The following COL11A1 variants were observed in gnomAD, a reference collection of about 807,000 sequenced individuals.
The protein encoded by COL11A1 is collagen type XI alpha 1 chain.
COL11A1 carries 74 observed loss-of-function variants against 265.2 expected under a neutral mutation model. That is an observed-to-expected ratio of 0.28 (90% CI 0.23 to 0.34). The LOEUF (loss-of-function observed/expected upper bound fraction) is 0.34, where lower values mean the gene tolerates loss of function less well. Among genes scored for constraint, COL11A1 ranks in the 10% least tolerant of loss-of-function variants. The pLI is 1.00. For synonymous variants in COL11A1, 816 were observed against 727.6 expected (o/e 1.12, Z -1.96); for missense variants, 2,165 against 2,263.6 (o/e 0.96, Z 0.88).
intron 11 of COL11A1, among the ~76,000 whole-genome samples, chr1:103,017,481 G>T (rs1666659018): frequency 6.6e-6 from 1 of 152,058 alleles, no homozygotes; most frequent in South Asian, 2.1e-4. Flanking sequence ...AACTTATTCT[G>T]TCAGCATCCA....
At chr1:103,050,197 T>A (rs1264702081) in intron 4 of COL11A1, among the ~76,000 whole-genome samples, 1 of 152,242 alleles carries the variant, frequency 6.6e-6, no homozygotes, top group Admixed American at 6.5e-5. Flanking sequence ...GCAGAGTGTT[T>A]TCCAACTTGG....
At chr1:103,024,190 A>C (rs1667337703) in intron 7 of COL11A1, among the ~76,000 whole-genome samples, 1 of 152,058 alleles carries the variant, frequency 6.6e-6, no homozygotes, top group Non-Finnish European at 1.5e-5. Flanking sequence ...TGAGTGGTAC[A>C]ATCATACCTC....
intron 4 of COL11A1, among the ~76,000 whole-genome samples, chr1:103,036,128 A>G (rs1668346701): frequency 6.6e-6 from 1 of 151,526 alleles, no homozygotes; most frequent in South Asian, 2.1e-4. Flanking sequence ...CTGCTTCCTA[A>G]ATTTTCTCCT....
intron 10 of COL11A1, among the ~76,000 whole-genome samples, chr1:103,018,600 GTATCTAAGCCACAAAAA>G (rs1453120062): frequency 6.6e-6 from 1 of 152,082 alleles, no homozygotes; most frequent in Non-Finnish European, 1.5e-5. Flanking sequence ...AGATGCAGAG[GTATCTAAGCCACAAAAA>G]TATTTAAAAC....
intron 42 of COL11A1, among the ~76,000 whole-genome samples, chr1:102,940,965 C>G (rs1182851029): frequency 6.6e-6 from 1 of 151,984 alleles, no homozygotes; most frequent in African/African-American, 2.4e-5. Flanking sequence ...TTAAAAGTGC[C>G]TTGATAATGA....
At chr1:103,001,798 G>T in intron 24 of COL11A1, 127 bp downstream of exon 24, 2 of 815,150 alleles carry the variant, frequency 2.5e-6, no homozygotes, top group Non-Finnish European at 4.3e-6. Context: ...GTCGACTCCA[G>T]ATTAATTCCT....
rs574172666 is a variant in COL11A1 at position 103,064,200 on chromosome 1, G to T, written c.651+10418C>A. Among the ~76,000 whole-genome samples, 6 of 151,678 alleles carry T rather than the reference G, an allele frequency of 4.0e-5. No individual in the cohort carries two copies. In the South Asian group the frequency reaches 1.3e-3, roughly 32 times the overall value. The stretch of plus-strand genomic sequence containing the variant: ...TATTCATACAACAATCACACTTCTT[G>T]GTATTTATCCAAATGATTTGAAAAT... On this transcript the variant is annotated intron_variant, in intron 4 of 66. Coordinates refer to ENST00000370096, the MANE Select transcript of COL11A1 (RefSeq NM_001854.4).
chr1:102,991,830 AG>A (rs1373119256), intron 28 of COL11A1, among the ~76,000 whole-genome samples: 1 of 87,754 alleles, frequency 1.1e-5, no homozygotes, highest in African/African-American at 3.2e-5. Context: ...CTAGCATGCC[AG>A]GAATTTTTTT....
rs2615998 is a variant in COL11A1, at chr1:102,955,703, A to G, written c.3168+6163T>C. Among the ~76,000 whole-genome samples the G allele has an allele frequency of 3.1e-3, 466 of 152,272 alleles. 3 individuals are homozygous for G. The highest frequency in any genetic ancestry group is 0.011 in the African/African-American group (448 of 41,564). ...ATTATTTTCCTTGATTTTGTTTTAT[A>G]AAAATATATGCAGTAGGTGAAATCT... On this transcript the variant is annotated intron_variant, in intron 41 of 66. Coordinates refer to ENST00000370096, the MANE Select transcript of COL11A1 (RefSeq NM_001854.4).
intron 57 of COL11A1, among the ~76,000 whole-genome samples, chr1:102,893,883 T>C (rs1333182675): frequency 6.6e-6 from 1 of 152,192 alleles, no homozygotes; most frequent in African/African-American, 2.4e-5. Flanking sequence ...AACTTAAATG[T>C]AGGATTAAAG....
chr1:103,098,367 A>C (rs977798045), intron 1 of COL11A1, among the ~76,000 whole-genome samples: 1 of 151,876 alleles, frequency 6.6e-6, no homozygotes, highest in Non-Finnish European at 1.5e-5. Context: ...TTATTTATAT[A>C]TTGGTTTCCT....
At chr1:103,003,472 A>T (rs534154922) in intron 20 of COL11A1, among the ~76,000 whole-genome samples, 2 of 152,334 alleles carry the variant, frequency 1.3e-5, no homozygotes, top group Non-Finnish European at 2.9e-5. Context: ...AGTTTTTAGT[A>T]CAGAAACTGT....
rs1276350011 is a variant in COL11A1 at position 102,943,436 on chromosome 1, T to TAC, written c.3277-3004_3277-3003dup. ...CTGTTTGATGGCATGCCTCTGGAGA[T>TAC]ACACACACACACACATACACACACA... On this transcript the variant is annotated intron_variant, in intron 42 of 66. Transcript: ENST00000370096. Among the ~76,000 whole-genome samples, 91 of 135,516 alleles carry TAC rather than the reference T, an allele frequency of 6.7e-4. 3 individuals are homozygous for TAC. The highest frequency in any genetic ancestry group is 3.7e-3 in the Middle Eastern group (1 of 272). The allele number at this position is 135,516 out of a possible 152,430, so 88.9% of individuals were successfully genotyped here. A position where few individuals can be genotyped will look rare whatever the true frequency, so the allele number is the denominator to read the frequency against.
intron 4 of COL11A1, among the ~76,000 whole-genome samples, chr1:103,057,060 C>T (rs1038243430): frequency 5.9e-5 from 9 of 152,084 alleles, no homozygotes; most frequent in Non-Finnish European, 5.9e-5. Context: ...ATTGACTCTT[C>T]CTTTCATAAA....
chr1:102,886,869 G>A lies in COL11A1; in HGVS notation c.4796C>T (p.Thr1599Ile), dbSNP rs751745544. Residue 1599 changes from threonine to isoleucine, a missense_variant, in exon 63 of 67, where the codon ACT becomes ATT. Coordinates refer to ENST00000370096, the MANE Select transcript of COL11A1 (RefSeq NM_001854.4). ...ACAAGTTCGGGCTGGATTGGTCTGA[G>A]TACCCATTGGAAATTTCATATGCTC... Reference protein sequence around the residue: ...DIEHMKFPMGTQTNPARTCKD... With the variant: ...DIEHMKFPMGIQTNPARTCKD... 6.2e-7 allele frequency: 1 copy of A among 1,613,876 alleles called. No homozygotes were observed. Among genetic ancestry groups the A allele is most frequent in the South Asian group, 1.1e-5 (1 of 91,082 alleles).
intron 41 of COL11A1, among the ~76,000 whole-genome samples, chr1:102,954,401 T>C (rs907005680): frequency 6.6e-6 from 1 of 152,210 alleles, no homozygotes; most frequent in Non-Finnish European, 1.5e-5. Context: ...ATTTGTAAAG[T>C]AAATGAAAGT....
chr1:102,993,518 C>T (rs3126215), intron 28 of COL11A1, among the ~76,000 whole-genome samples: 136,691 of 152,180 alleles, frequency 0.9, 62,256 homozygotes, highest in East Asian at 1. Flanking sequence ...GTTATTTTTT[C>T]ATTTGTATTA....
intron 4 of COL11A1, among the ~76,000 whole-genome samples, chr1:103,052,551 A>G (rs1235774075): frequency 6.6e-6 from 1 of 152,172 alleles, no homozygotes; most frequent in Non-Finnish European, 1.5e-5. Flanking sequence ...ATTATGTAAC[A>G]CAAGTCTTTT....
rs761765612 is a variant in COL11A1 at position 103,082,925 on chromosome 1, C to G, written c.154G>C (p.Glu52Gln). Residue 52 changes from glutamate (E) to glutamine (Q), a missense_variant, in exon 2 of 67, where the codon GAG (glutamate) becomes CAG (glutamine). Coordinates refer to ENST00000370096, the MANE Select transcript of COL11A1 (RefSeq NM_001854.4). ...LKALDFHNSP[E>Q]GISKTTGFCT... ...AATCCCGTTGTTTTTGATATTCCCT[C>G]TGGAGAATTGTGAAAATCTAGTGCT... 3.7e-6 allele frequency: 6 copies of G among 1,613,254 alleles called. No homozygotes were observed. In the Admixed American group the frequency reaches 8.3e-5, roughly 22 times the overall value.
Sources: gnomAD v4.1 joint callset for allele counts (sites outside exome capture counted in the v4.1 genomes callset) on GRCh38, gnomAD v4.1.1 for gene constraint, MANE v1.5 for transcripts, NCBI Gene and HGNC (gene_info 2026-07-23, HGNC 2026-07-21) for gene names.